Variants in ATCAY observed in about 807,000 individuals in gnomAD.
ATCAY encodes ATCAY kinesin light chain interacting caytaxin.
In ATCAY, 22 loss-of-function variants were observed where a neutral mutation model predicts 47.7. That is an observed-to-expected ratio of 0.46 (90% confidence interval 0.33 to 0.66). The LOEUF is 0.66. Among genes scored for constraint, ATCAY ranks in the 30% least tolerant of loss-of-function variants. The probability of loss-of-function intolerance (pLI) is 0.02; values close to 1 mark genes in which losing one functional copy is unlikely to be tolerated. For missense variants in ATCAY, 452 were observed against 515.0 expected (o/e 0.88, Z 1.18); for synonymous variants, 216 against 207.6 (o/e 1.04, Z -0.35).
At chr19:3,913,724 A>G (rs1195596646) in intron 8 of ATCAY, 34 bp from the exon 9 acceptor site, 1 of 1,583,686 alleles carries the variant, frequency 6.3e-7, no homozygotes, top group East Asian at 2.2e-5. Context: ...CATGGGTTGC[A>G]TTTCAGACCT....
chr19:3,913,705 C>T, intron 8 of ATCAY, 53 bp from the exon 9 acceptor site: 1 of 1,438,020 alleles, frequency 7.0e-7, no homozygotes, highest in Non-Finnish European at 9.7e-7. Flanking sequence ...ACCTAGGTAA[C>T]CCCCACCCCA....
Position 3,885,764 on chromosome 19 carries a change from T to C in ATCAY, c.-4T>C. ...CTTCAAGCCAGTGCCTCTTCCCAGC[T>C]CCCATGGGGACCACCGAAGCCACGC... On this transcript the variant is annotated 5_prime_UTR_variant, in exon 2 of 13. Coordinates refer to ENST00000450849, the MANE Select transcript of ATCAY (RefSeq NM_033064.5). The C allele has an allele frequency of 1.3e-6, 2 of 1,548,046 alleles. No homozygotes were observed. The highest frequency in any genetic ancestry group is 1.7e-6 in the Non-Finnish European group (2 of 1,146,158).
At chr19:3,881,523 CA>C (rs1345826216) in intron 1 of ATCAY, among the ~76,000 whole-genome samples, 1 of 151,942 alleles carries the variant, frequency 6.6e-6, no homozygotes, top group African/African-American at 2.4e-5. Context: ...AATCAGACAT[CA>C]GGGCTCAAAT....
At position 3,907,960 on chromosome 19, in the gene ATCAY, G is replaced by A. The variant is rs758310103; in HGVS notation, c.544+41G>A. The A allele has an allele frequency of 4.8e-5, 77 of 1,590,016 alleles. No individual in the cohort carries two copies. The highest frequency in any genetic ancestry group is 1.7e-4 in the Middle Eastern group (1 of 6,044). On this transcript the variant is annotated intron_variant, in intron 5 of 12. Transcript: ENST00000450849. The surrounding 1 kb of genome is among the most constrained non-coding windows in gnomAD (Gnocchi z 5.1). The stretch of plus-strand genomic sequence containing the variant: ...CGGTGCCCCCTTGGGGCTCCAGCCC[G>A]GCCCACTGGGCAACAGGGGGTTCGT...
At chr19:3,895,668 C>T (rs1467315132) in intron 2 of ATCAY, among the ~76,000 whole-genome samples, 1 of 151,792 alleles carries the variant, frequency 6.6e-6, no homozygotes, top group Non-Finnish European at 1.5e-5. Flanking sequence ...TCCTCACTTT[C>T]CCAGTATGTG....
intron 1 of ATCAY, among the ~76,000 whole-genome samples, chr19:3,882,539 C>G (rs2038611370): frequency 6.6e-6 from 1 of 151,450 alleles, no homozygotes; most frequent in Non-Finnish European, 1.5e-5. Flanking sequence ...CTATGTTGCC[C>G]AGGCTGGTCT....
intron 9 of ATCAY, among the ~76,000 whole-genome samples, chr19:3,917,178 AC>A (rs1158737874): frequency 1.3e-5 from 2 of 152,084 alleles, no homozygotes; most frequent in Non-Finnish European, 2.9e-5. Context: ...TAATCCCAGC[AC>A]TTTGGGAGGC....
intron 2 of ATCAY, among the ~76,000 whole-genome samples, chr19:3,888,177 T>C (rs2038680593): frequency 1.3e-5 from 2 of 151,856 alleles, no homozygotes; most frequent in South Asian, 4.1e-4. Context: ...CGTGTGACTC[T>C]GATTTGCTGG....
intron 8 of ATCAY, among the ~76,000 whole-genome samples, chr19:3,911,860 G>A (rs1045291197): frequency 2.6e-5 from 4 of 152,082 alleles, no homozygotes; most frequent in African/African-American, 4.8e-5. Context: ...CAGCAGGCCC[G>A]ATTTTCAAGG....
chr19:3,918,583 T>C (rs985954650), intron 10 of ATCAY, among the ~76,000 whole-genome samples: 2 of 151,964 alleles, frequency 1.3e-5, no homozygotes, highest in Admixed American at 6.6e-5. Context: ...AAACAGCCTT[T>C]ATCATGCCAG....
rs1397419178 is a variant in ATCAY, at chr19:3,925,622, A to G, written c.*1030A>G. The G allele has an allele frequency of 1.3e-5, 2 of 152,270 alleles. No homozygotes were observed. The highest frequency in any genetic ancestry group is 2.9e-5 in the Non-Finnish European group (2 of 68,064). 9.4% of individuals were successfully genotyped at this position (152,270 alleles called of 1,614,324 possible). On this transcript the variant is annotated 3_prime_UTR_variant, in exon 13 of 13. Coordinates refer to ENST00000450849, the MANE Select transcript of ATCAY (RefSeq NM_033064.5). The surrounding 1 kb of genome is among the most constrained non-coding windows in gnomAD (Gnocchi z 4.4). ...TTCGGGAGGCAAATTTCCCTAGGAA[A>G]AAGAAGACAGACTTTTCTAATGTGG...
At chr19:3,910,249 A>G (rs1290548247) in intron 7 of ATCAY, among the ~76,000 whole-genome samples, 2 of 152,168 alleles carry the variant, frequency 1.3e-5, no homozygotes, top group Non-Finnish European at 2.9e-5. Context: ...TGATGTCCTC[A>G]GGGTGCATCC....
intron 2 of ATCAY, among the ~76,000 whole-genome samples, chr19:3,895,662 C>G (rs1371253439): frequency 6.6e-6 from 1 of 151,754 alleles, no homozygotes; most frequent in Non-Finnish European, 1.5e-5. Flanking sequence ...CTGCTTTCCT[C>G]ACTTTCCCAG....
intron 2 of ATCAY, among the ~76,000 whole-genome samples, chr19:3,900,184 TTTC>T (rs1451107857): frequency 6.6e-6 from 1 of 150,526 alleles, no homozygotes; most frequent in Non-Finnish European, 1.5e-5. Context: ...CCTCTTTTTT[TTTC>T]TTTTCTCTCT....
In ATCAY at chr19:3,908,367, T is replaced by C; in HGVS notation, c.644T>C (p.Phe215Ser). 6.3e-7 allele frequency: 1 copy of C among 1,586,174 alleles called. No homozygotes were observed. Among genetic ancestry groups the C allele is most frequent in the Non-Finnish European group, 8.6e-7 (1 of 1,165,960 alleles). ...TACCACTACATCATGGAGAACCTCT[T>C]CCTGTGAGTCCCCGCCCGCGGCGAG... ...PDYHYIMENLFLYVISSLELL... is the reference protein window; with the variant it reads ...PDYHYIMENLSLYVISSLELL... The change falls in exon 6 of 13, where the codon TTC (phenylalanine) becomes TCC (serine). Residue 215 changes from phenylalanine (F) to serine (S), a missense_variant. Transcript: ENST00000450849.
At chr19:3,881,554 C>T (rs2145214633) in intron 1 of ATCAY, among the ~76,000 whole-genome samples, 1 of 152,118 alleles carries the variant, frequency 6.6e-6, no homozygotes, top group Non-Finnish European at 1.5e-5. Context: ...ACTCCCGTTC[C>T]TTGATGTCAC....
At chr19:3,910,962 TGTGTGTGC>T (rs2038917597) in intron 8 of ATCAY, 73 bp downstream of exon 8, 8 of 1,470,784 alleles carry the variant, frequency 5.4e-6, no homozygotes, top group Non-Finnish European at 7.6e-6. Flanking sequence ...TGCATGCATT[TGTGTGTGC>T]ATGTGTGCAC....
At chr19:3,899,891 C>T (rs909904808) in intron 2 of ATCAY, among the ~76,000 whole-genome samples, 2 of 152,076 alleles carry the variant, frequency 1.3e-5, no homozygotes, top group Non-Finnish European at 2.9e-5. Context: ...GATCTGGGGC[C>T]GGGTGCGGTG....
intron 2 of ATCAY, among the ~76,000 whole-genome samples, chr19:3,901,744 C>T (rs2145238694): frequency 6.6e-6 from 1 of 152,268 alleles, no homozygotes; most frequent in South Asian, 2.1e-4. Flanking sequence ...TGCCTGTAAT[C>T]CCAGCACTTT....
Sources: gnomAD v4.1 joint callset for allele counts (sites outside exome capture counted in the v4.1 genomes callset) on GRCh38, gnomAD v4.1.1 for gene constraint, Gnocchi (gnomAD v3.1) non-coding constraint, MANE v1.5 for transcripts, NCBI Gene and HGNC (gene_info 2026-07-23, HGNC 2026-07-21) for gene names.